The following CDK14 variants were observed in gnomAD, a reference collection of about 807,000 sequenced individuals.
CDK14 encodes cyclin dependent kinase 14, also known as cyclin-dependent kinase 14.
In CDK14, 34 loss-of-function variants were observed where a neutral mutation model predicts 60.7. That is an observed-to-expected ratio of 0.56 (90% CI 0.43 to 0.75). The LOEUF is 0.75. CDK14 is among the 30% of genes least tolerant of loss of function. The pLI, the probability that CDK14 is intolerant of heterozygous loss-of-function variation, is 0.00. For synonymous variants in CDK14, 197 were observed against 203.7 expected, an observed-to-expected ratio of 0.97 and a Z score of 0.28; for missense variants, 482 against 564.1, an observed-to-expected ratio of 0.85 and a Z score of 1.47.
intron 12 of CDK14, among the ~76,000 whole-genome samples, chr7:91,080,810 G>C (rs1040414444): frequency 1.3e-5 from 2 of 152,144 alleles, no homozygotes; most frequent in Non-Finnish European, 1.5e-5. Context: ...AGGAAAATCT[G>C]AAACTATCAT....
intron 7 of CDK14, among the ~76,000 whole-genome samples, chr7:90,907,172 A>G (rs1792735230): frequency 6.6e-6 from 1 of 152,090 alleles, no homozygotes; most frequent in Admixed American, 6.6e-5. Context: ...AGATGGTGAT[A>G]ATAGGTATGT....
intron 4 of CDK14, among the ~76,000 whole-genome samples, chr7:90,790,310 A>G (rs756326195): frequency 6.6e-6 from 1 of 152,184 alleles, no homozygotes; most frequent in Non-Finnish European, 1.5e-5. Context: ...GTTAAATACT[A>G]GTTTCATTCT....
chr7:91,179,503 AT>A (rs1482151452), intron 14 of CDK14, among the ~76,000 whole-genome samples: 2 of 52,942 alleles, frequency 3.8e-5, no homozygotes, highest in Non-Finnish European at 1.0e-4. Context: ...TTAAAGTATA[AT>A]TAAAAAAAAA....
At chr7:91,150,822 AT>A (rs1800809104) in intron 14 of CDK14, among the ~76,000 whole-genome samples, 1 of 152,138 alleles carries the variant, frequency 6.6e-6, no homozygotes, top group South Asian at 2.1e-4. Flanking sequence ...AGGATAATAC[AT>A]TTTTATCTCT....
At chr7:90,873,054 A>T (rs975918049) in intron 6 of CDK14, among the ~76,000 whole-genome samples, 1 of 152,150 alleles carries the variant, frequency 6.6e-6, no homozygotes, top group Admixed American at 6.6e-5. Flanking sequence ...AATTTTTTTT[A>T]AAAATTTTCT....
At chr7:90,639,823 G>T (rs1800272987) in intron 2 of CDK14, among the ~76,000 whole-genome samples, 2 of 152,264 alleles carry the variant, frequency 1.3e-5, no homozygotes, top group African/African-American at 2.4e-5. Flanking sequence ...CTGGGCAATG[G>T]CGGGCGCCCC....
chr7:91,094,010 A>G (rs1328800552), intron 12 of CDK14, among the ~76,000 whole-genome samples: 1 of 152,070 alleles, frequency 6.6e-6, no homozygotes, highest in Non-Finnish European at 1.5e-5. Context: ...AGCAATAGAC[A>G]CTGGGGACTA....
chr7:90,676,977 A>G (rs1801214113), intron 2 of CDK14, among the ~76,000 whole-genome samples: 1 of 150,928 alleles, frequency 6.6e-6, no homozygotes, highest in African/African-American at 2.4e-5. Context: ...GGAGTTTCTG[A>G]TAGCTTGAAG....
At chr7:90,600,585 T>G (rs1311005467) in intron 1 of CDK14, among the ~76,000 whole-genome samples, 1 of 152,254 alleles carries the variant, frequency 6.6e-6, no homozygotes, top group Non-Finnish European at 1.5e-5. Flanking sequence ...CTTTGGGGTT[T>G]GTTACCTTGT....
At chr7:90,627,872 C>T (rs138046707) in intron 2 of CDK14, among the ~76,000 whole-genome samples, 615 of 152,272 alleles carry the variant, frequency 4.0e-3, no homozygotes, top group African/African-American at 0.014. Context: ...ACATAGGAGC[C>T]GTGCAACTCA....
intron 14 of CDK14, among the ~76,000 whole-genome samples, chr7:91,169,397 A>AC (rs1441936178): frequency 6.6e-6 from 1 of 152,132 alleles, no homozygotes; most frequent in Non-Finnish European, 1.5e-5. Flanking sequence ...ACAGGCTGAA[A>AC]CCCTGTCACA....
rs540279971 is a variant in CDK14, at chr7:90,930,185, C to A, written c.826+12461C>A. ...CCAGTCTTTAAATCTCAAGAGTAAACATATATAAGTGGAAATATGCATAAA... is the reference window on the plus strand; with the variant it reads ...CCAGTCTTTAAATCTCAAGAGTAAAAATATATAAGTGGAAATATGCATAAA... On this transcript the variant is annotated intron_variant, in intron 8 of 14. Coordinates refer to ENST00000380050, the MANE Select transcript of CDK14 (RefSeq NM_001287135.2). 7.3e-5 allele frequency among the ~76,000 whole-genome samples: 11 copies of A among 151,086 alleles called. No individual in the cohort carries two copies. In the South Asian group the frequency reaches 2.1e-3, roughly 29 times the overall value.
chr7:90,644,615 C>T (rs1405872067), intron 2 of CDK14, among the ~76,000 whole-genome samples: 7 of 152,188 alleles, frequency 4.6e-5, no homozygotes, highest in Admixed American at 1.3e-4. Flanking sequence ...AGTGGATATG[C>T]GTTTAATATT....
At chr7:91,098,849 C>T (rs1799082607) in intron 12 of CDK14, among the ~76,000 whole-genome samples, 1 of 152,092 alleles carries the variant, frequency 6.6e-6, no homozygotes, top group East Asian at 1.9e-4. Context: ...TTTCCTTTTA[C>T]TCCAGTTGGT....
rs1311709666 is a variant in CDK14 at position 90,984,146 on chromosome 7, A to G, written c.948-2A>G. The G allele has an allele frequency of 1.3e-6, 2 of 1,588,458 alleles. No homozygotes were observed. Among genetic ancestry groups the G allele is most frequent in the Admixed American group, 1.7e-5 (1 of 59,944 alleles). On this transcript the variant is annotated splice_acceptor_variant, in intron 9 of 14. Coordinates refer to ENST00000380050, the MANE Select transcript of CDK14 (RefSeq NM_001287135.2). LOFTEE classifies it high-confidence loss of function. ...TGTAACGATTCTTTCTTCTCTCTCT[A>G]GGGGAGTAGGTTGCATCTTTGTTGA...
At chr7:91,094,056 G>A (rs1798909608) in intron 12 of CDK14, among the ~76,000 whole-genome samples, 1 of 152,038 alleles carries the variant, frequency 6.6e-6, no homozygotes, top group African/African-American at 2.4e-5. Context: ...GGTTGAACAA[G>A]CACCTGTTGG....
intron 7 of CDK14, 99 bp from the exon 8 acceptor site, chr7:90,917,502 C>A: frequency 8.9e-7 from 1 of 1,121,390 alleles, no homozygotes; most frequent in East Asian, 2.6e-5. Flanking sequence ...GATGGTTACC[C>A]ATTTTCCCTA....
At chr7:90,995,563 A>G (rs548699775) in intron 10 of CDK14, among the ~76,000 whole-genome samples, 26 of 152,350 alleles carry the variant, frequency 1.7e-4, no homozygotes, top group African/African-American at 6.0e-4. Context: ...ATACTAATAG[A>G]TAACTAATAT....
intron 8 of CDK14, among the ~76,000 whole-genome samples, chr7:90,952,010 C>T (rs932599091): frequency 1.3e-5 from 2 of 152,058 alleles, no homozygotes; most frequent in Non-Finnish European, 2.9e-5. Flanking sequence ...CTGGTTTGAG[C>T]GTATGTGTAT....
Sources: gnomAD v4.1 joint callset for allele counts (sites outside exome capture counted in the v4.1 genomes callset) on GRCh38, gnomAD v4.1.1 for gene constraint, MANE v1.5 for transcripts, NCBI Gene and HGNC (gene_info 2026-07-23, HGNC 2026-07-21) for gene names.